The following PPP1R9A variants were observed in gnomAD, a reference collection of about 807,000 sequenced individuals.
PPP1R9A encodes the protein protein phosphatase 1 regulatory subunit 9A, also known as neurabin-1.
In PPP1R9A, 59 loss-of-function variants were observed where a neutral mutation model predicts 141.9. The ratio of observed to expected loss-of-function variants is 0.42; its 90% CI spans 0.34 to 0.52. The LOEUF (loss-of-function observed/expected upper bound fraction) is 0.52. Ranked by LOEUF, PPP1R9A falls within the 20% of genes least tolerant of loss-of-function variation. The probability of loss-of-function intolerance (pLI) is 0.10; values close to 1 mark genes in which losing one functional copy is unlikely to be tolerated. For missense variants in PPP1R9A, 1,444 were observed against 1,611.9 expected (o/e 0.90, Z 1.78); for synonymous variants, 500 against 569.7 (o/e 0.88, Z 1.74).
intron 2 of PPP1R9A, among the ~76,000 whole-genome samples, chr7:94,965,511 G>A (rs1798106242): frequency 6.6e-6 from 1 of 152,070 alleles, no homozygotes. Flanking sequence ...GTTTAAGTAA[G>A]GGGTCCAGTT....
intron 2 of PPP1R9A, among the ~76,000 whole-genome samples, chr7:95,090,111 T>C (rs772338139): frequency 1.3e-4 from 19 of 151,942 alleles, no homozygotes; most frequent in Non-Finnish European, 2.6e-4. Context: ...CCTTTGTTAT[T>C]AAGGATCAAG....
In PPP1R9A at chr7:95,290,311, C is replaced by T. The variant is rs1016328349; in HGVS notation, c.*8C>T. On this transcript the variant is annotated 3_prime_UTR_variant, in exon 20 of 20. Transcript: ENST00000433360. ...GGTGCTGGTGAGCAGTAACACATAC[C>T]CTCTTACAGATGATGGAGATGCTCC... 6.2e-7 allele frequency: 1 copy of T among 1,603,650 alleles called. No homozygotes were observed. The highest frequency in any genetic ancestry group is 1.3e-5 in the African/African-American group (1 of 74,464).
At position 95,292,532 on chromosome 7, in the gene PPP1R9A, GATCT is replaced by G. The variant is rs1302779472; in HGVS notation, c.*2232_*2235del. ...TGTCTTGTTTTTGCACCTAATTTAT[GATCT>G]ATTATATTGCATTTTCTTAAATATC... On this transcript the variant is annotated 3_prime_UTR_variant, in exon 20 of 20. Coordinates refer to ENST00000433360, the MANE Select transcript of PPP1R9A (RefSeq NM_001166160.2). 1 of 152,348 alleles carries G rather than the reference GATCT, an allele frequency of 6.6e-6. No homozygotes were observed. Among genetic ancestry groups the G allele is most frequent in the African/African-American group, 2.4e-5 (1 of 41,378 alleles). The allele number at this position is 152,348 out of a possible 1,614,324, so 9.4% of individuals were successfully genotyped here. A position where few individuals can be genotyped will look rare whatever the true frequency, so the allele number is the denominator to read the frequency against.
At position 95,190,052 on chromosome 7, in the gene PPP1R9A, CAG is replaced by C. The variant is rs1464262042; in HGVS notation, c.1755-8293_1755-8292del. 2.6e-5 allele frequency among the ~76,000 whole-genome samples: 4 copies of C among 152,216 alleles called. No homozygotes were observed. The East Asian group carries it at 7.7e-4, about 29-fold the overall frequency. ...CTTCTGAATTCTTTATCTGGCAAAT[CAG>C]AGATTTCTTCTTGGTTTGGATCCCT... is the stretch of plus-strand genomic sequence containing the variant. On this transcript the variant is annotated intron_variant, in intron 5 of 19. Coordinates refer to ENST00000433360, the MANE Select transcript of PPP1R9A (RefSeq NM_001166160.2).
intron 2 of PPP1R9A, among the ~76,000 whole-genome samples, chr7:95,076,093 G>A (rs934243242): frequency 2.0e-5 from 3 of 152,042 alleles, no homozygotes; most frequent in Non-Finnish European, 4.4e-5. Flanking sequence ...CATACAGATC[G>A]GGTCTCACTC....
At position 94,960,708 on chromosome 7, in the gene PPP1R9A, G is replaced by C. The variant is rs185269820; in HGVS notation, c.1395+49200G>C. On this transcript the variant is annotated intron_variant, in intron 2 of 19. Coordinates refer to ENST00000433360, the MANE Select transcript of PPP1R9A (RefSeq NM_001166160.2). ...TCAGTAAAGTTAACAACTTTTCAGG[G>C]GTCATAAAACTATTAAGCAAAGGAG... Among the ~76,000 whole-genome samples, 551 of 151,476 alleles carry C rather than the reference G, an allele frequency of 3.6e-3. 3 individuals are homozygous for C. Among genetic ancestry groups the C allele is most frequent in the African/African-American group, 0.012 (516 of 41,390 alleles).
chr7:95,216,353 GTT>G (rs1793416571), intron 7 of PPP1R9A, among the ~76,000 whole-genome samples: 1 of 152,152 alleles, frequency 6.6e-6, no homozygotes, highest in Non-Finnish European at 1.5e-5. Context: ...GTACCATGCT[GTT>G]TTGGTTACTG....
chr7:95,209,041 C>T (rs978464493), intron 7 of PPP1R9A, among the ~76,000 whole-genome samples: 1 of 149,052 alleles, frequency 6.7e-6, no homozygotes, highest in South Asian at 2.1e-4. Flanking sequence ...ATCAAGGAGG[C>T]ACACACAGAG....
chr7:95,068,526 A>T (rs1813310888), intron 2 of PPP1R9A, among the ~76,000 whole-genome samples: 1 of 151,746 alleles, frequency 6.6e-6, no homozygotes, highest in Non-Finnish European at 1.5e-5. Flanking sequence ...CAAAAGTGAC[A>T]TTCATCTTAA....
intron 7 of PPP1R9A, among the ~76,000 whole-genome samples, chr7:95,206,656 A>G (rs566498241): frequency 6.6e-6 from 1 of 152,324 alleles, no homozygotes; most frequent in South Asian, 2.1e-4. Context: ...TAATTTCTCC[A>G]ATTCTAGAAT....
chr7:95,215,476 G>A (rs1033929755), intron 7 of PPP1R9A, among the ~76,000 whole-genome samples: 21 of 152,028 alleles, frequency 1.4e-4, no homozygotes, highest in African/African-American at 4.6e-4. Flanking sequence ...TAATCCTTTG[G>A]GTATATACCC....
intron 2 of PPP1R9A, among the ~76,000 whole-genome samples, chr7:94,916,077 CCTAT>C (rs1263495211): frequency 6.6e-6 from 1 of 152,134 alleles, no homozygotes; most frequent in Non-Finnish European, 1.5e-5. Context: ...TCCCAGCTTA[CCTAT>C]TTATTACGCA....
chr7:95,237,850 T>A (rs1193843287), intron 8 of PPP1R9A, among the ~76,000 whole-genome samples: 1 of 152,140 alleles, frequency 6.6e-6, no homozygotes, highest in Non-Finnish European at 1.5e-5. Flanking sequence ...TTTTTCCATC[T>A]TATGTATGTA....
intron 16 of PPP1R9A, among the ~76,000 whole-genome samples, chr7:95,274,510 C>G (rs1316536463): frequency 6.6e-6 from 1 of 152,192 alleles, no homozygotes; most frequent in African/African-American, 2.4e-5. Flanking sequence ...TGGCTACCCA[C>G]AATGCTAGTG....
intron 2 of PPP1R9A, among the ~76,000 whole-genome samples, chr7:94,911,806 T>C (rs1285074577): frequency 6.6e-6 from 1 of 152,222 alleles, no homozygotes; most frequent in Non-Finnish European, 1.5e-5. Flanking sequence ...TTGTGAGTAC[T>C]GAAAACCAGG....
intron 5 of PPP1R9A, among the ~76,000 whole-genome samples, chr7:95,189,274 G>A (rs1010527974): frequency 7.2e-5 from 11 of 151,996 alleles, no homozygotes. Context: ...ACGTGCCTGG[G>A]TGATGATCTT....
At chr7:95,183,640 G>T (rs1834203191) in intron 5 of PPP1R9A, among the ~76,000 whole-genome samples, 2 of 151,182 alleles carry the variant, frequency 1.3e-5, no homozygotes, top group South Asian at 4.2e-4. Flanking sequence ...GTAGAGACGG[G>T]GTTTCACCAT....
At chr7:94,948,981 C>T (rs976307548) in intron 2 of PPP1R9A, among the ~76,000 whole-genome samples, 5 of 152,154 alleles carry the variant, frequency 3.3e-5, no homozygotes, top group African/African-American at 1.2e-4. Context: ...CATTCTGGTC[C>T]AAGCATGGCC....
At chr7:94,939,233 G>T (rs1262882657) in intron 2 of PPP1R9A, among the ~76,000 whole-genome samples, 1 of 152,108 alleles carries the variant, frequency 6.6e-6, no homozygotes, top group Non-Finnish European at 1.5e-5. Flanking sequence ...TTTTCACAGT[G>T]TTGTTTTGGG....
Sources: allele counts gnomAD v4.1 joint callset (sites outside exome capture counted in the v4.1 genomes callset), GRCh38; gene constraint gnomAD v4.1.1; transcripts MANE v1.5; gene names NCBI Gene and HGNC (gene_info 2026-07-23, HGNC 2026-07-21).